The following ME1 variants were observed in gnomAD, a reference collection of about 807,000 sequenced individuals.
The protein encoded by ME1 is NADP-dependent malic enzyme.
A neutral mutation model predicts 66.4 loss-of-function variants in ME1; 74 were observed. The ratio of observed to expected loss-of-function variants is 1.11; its 90% CI spans 0.92 to 1.35. The LOEUF (loss-of-function observed/expected upper bound fraction) is 1.35, where lower values mean the gene tolerates loss of function less well. Ranked by LOEUF, ME1 falls within the 40% of genes most tolerant of loss-of-function variation. The pLI, the probability that ME1 is intolerant of heterozygous loss-of-function variation, is 0.00. For synonymous variants in ME1, 251 were observed against 235.6 expected (o/e 1.07, Z -0.60); for missense variants, 750 against 694.1 (o/e 1.08, Z -0.90).
At chr6:83,266,476 G>T (rs909466026) in intron 6 of ME1, among the ~76,000 whole-genome samples, 2 of 150,786 alleles carry the variant, frequency 1.3e-5, no homozygotes, top group Non-Finnish European at 3.0e-5. Flanking sequence ...CATGTCCTGA[G>T]TTATGTCTAT....
intron 5 of ME1, among the ~76,000 whole-genome samples, chr6:83,345,761 A>C (rs1298030799): frequency 2.6e-5 from 4 of 152,186 alleles, no homozygotes; most frequent in African/African-American, 9.6e-5. Flanking sequence ...GATTGAGAAA[A>C]GTTAAACTCC....
chr6:83,351,626 T>C (rs1291569017), intron 4 of ME1, among the ~76,000 whole-genome samples: 2 of 152,222 alleles, frequency 1.3e-5, no homozygotes, highest in Non-Finnish European at 2.9e-5. Context: ...GTACTATTAT[T>C]ACTTTTATTT....
At chr6:83,413,491 C>A (rs1282528647) in intron 1 of ME1, among the ~76,000 whole-genome samples, 1 of 151,766 alleles carries the variant, frequency 6.6e-6, no homozygotes, top group Non-Finnish European at 1.5e-5. Flanking sequence ...ATTATTTCTT[C>A]ATATCAAAAA....
chr6:83,415,184 T>C (rs963333689), intron 1 of ME1, among the ~76,000 whole-genome samples: 1 of 152,230 alleles, frequency 6.6e-6, no homozygotes, highest in Non-Finnish European at 1.5e-5. Context: ...AATAATCCTC[T>C]ATTGTGTCTT....
chr6:83,356,556 A>C (rs1241368843), intron 3 of ME1, among the ~76,000 whole-genome samples: 1 of 152,206 alleles, frequency 6.6e-6, no homozygotes, highest in African/African-American at 2.4e-5. Flanking sequence ...ATTACAAATT[A>C]GTACCCACAA....
At chr6:83,217,994 A>T (rs1465715387) in intron 12 of ME1, among the ~76,000 whole-genome samples, 1 of 152,226 alleles carries the variant, frequency 6.6e-6, no homozygotes, top group East Asian at 1.9e-4. Flanking sequence ...ATTGCTCTAC[A>T]TATTATACAA....
chr6:83,374,467 A>G (rs897392019), intron 3 of ME1, among the ~76,000 whole-genome samples: 2 of 151,904 alleles, frequency 1.3e-5, no homozygotes, highest in African/African-American at 4.8e-5. Flanking sequence ...TTTCTTGTAA[A>G]TTTAAGTTTC....
At chr6:83,429,045 C>T (rs1029402904) in intron 1 of ME1, among the ~76,000 whole-genome samples, 1 of 152,044 alleles carries the variant, frequency 6.6e-6, no homozygotes, top group South Asian at 2.1e-4. Flanking sequence ...GGGTGGATCA[C>T]GAAGCCAGGA....
chr6:83,216,350 G>C, intron 13 of ME1, 148 bp downstream of exon 13: 1 of 653,696 alleles, frequency 1.5e-6, no homozygotes. Flanking sequence ...AAGCTCTACA[G>C]TGTCAGTGTG....
rs566721168 is a variant in ME1 at position 83,298,218 on chromosome 6, G to A, written c.704+17092C>T. Among the ~76,000 whole-genome samples the A allele has an allele frequency of 2.6e-5, 4 of 152,220 alleles. No individual in the cohort carries two copies. In the East Asian group the frequency reaches 7.7e-4, roughly 29 times the overall value. On this transcript the variant is annotated intron_variant, in intron 6 of 13. Coordinates refer to ENST00000369705, the MANE Select transcript of ME1 (RefSeq NM_002395.6). ...TTCCTATTTCTCCACAGCCTCACCA[G>A]CATCTGTTGTTTCTTGACTTTTTAA...
chr6:83,233,275 A>C (rs1270051589), intron 9 of ME1, among the ~76,000 whole-genome samples: 3 of 152,082 alleles, frequency 2.0e-5, no homozygotes, highest in Non-Finnish European at 4.4e-5. Context: ...TTACATTAAA[A>C]TGTATTAATA....
chr6:83,427,864 T>C (rs569629737), intron 1 of ME1, among the ~76,000 whole-genome samples: 2 of 152,070 alleles, frequency 1.3e-5, no homozygotes, highest in Admixed American at 6.5e-5. Flanking sequence ...ATATAGAAAT[T>C]AGCTGGGCAT....
intron 7 of ME1, among the ~76,000 whole-genome samples, chr6:83,243,742 A>T (rs1444224492): frequency 3.6e-4 from 48 of 132,086 alleles, no homozygotes; most frequent in African/African-American, 1.3e-3. Flanking sequence ...ATATATAATT[A>T]TATTATATTA....
intron 5 of ME1, among the ~76,000 whole-genome samples, chr6:83,334,185 G>C (rs949144021): frequency 1.3e-5 from 2 of 151,288 alleles, no homozygotes; most frequent in Admixed American, 6.6e-5. Flanking sequence ...TTCCTTTTCC[G>C]AGTCAAAGAA....
In ME1 at chr6:83,223,853, GC is replaced by G; in HGVS notation, c.1355del (p.Gly452AlafsTer19). 6.2e-7 allele frequency: 1 copy of G among 1,613,972 alleles called. No homozygotes were observed. Among genetic ancestry groups the G allele is most frequent in the Non-Finnish European group, 8.5e-7 (1 of 1,179,898 alleles). On this transcript the variant is annotated frameshift_variant, in exon 12 of 14. Transcript: ENST00000369705. LOFTEE classifies it high-confidence loss of function. ...PNGQTLYPGQ[G>X]NNSYVFPGVA... ...CTCCAGGGAACACATAGGAATTGTT[GC>G]CTTGGCCAGGATATAGGGTCTGTCC...
intron 6 of ME1, among the ~76,000 whole-genome samples, chr6:83,295,177 G>A (rs1014904359): frequency 6.6e-6 from 1 of 152,172 alleles, no homozygotes; most frequent in African/African-American, 2.4e-5. Flanking sequence ...ATACCCCCAT[G>A]TGAAACCAAA....
intron 1 of ME1, among the ~76,000 whole-genome samples, chr6:83,423,852 T>C (rs898403468): frequency 1.3e-5 from 2 of 152,062 alleles, no homozygotes; most frequent in Non-Finnish European, 2.9e-5. Flanking sequence ...GCCACACCTA[T>C]AATACCAGCA....
chr6:83,300,326 G>A (rs968247836), intron 6 of ME1, among the ~76,000 whole-genome samples: 10 of 152,006 alleles, frequency 6.6e-5, no homozygotes, highest in Non-Finnish European at 1.0e-4. Context: ...ATAGGATCTG[G>A]CAAAGATTTC....
At chr6:83,288,295 A>G (rs1767435614) in intron 6 of ME1, among the ~76,000 whole-genome samples, 1 of 152,116 alleles carries the variant, frequency 6.6e-6, no homozygotes. Context: ...TAGGTCTTAC[A>G]TTTAAGTCTT....
Sources: gnomAD v4.1 joint callset for allele counts (sites outside exome capture counted in the v4.1 genomes callset) on GRCh38, gnomAD v4.1.1 for gene constraint, MANE v1.5 for transcripts, NCBI Gene and HGNC (gene_info 2026-07-23, HGNC 2026-07-21) for gene names.